The following HEATR5A variants were observed in gnomAD, a reference collection of about 807,000 sequenced individuals.
HEATR5A encodes HEAT repeat-containing protein 5A.
In HEATR5A, 178 loss-of-function variants were observed where a neutral mutation model predicts 218.8. The ratio of observed to expected loss-of-function variants is 0.81; its 90% CI spans 0.72 to 0.92. The LOEUF (loss-of-function observed/expected upper bound fraction) is 0.92, where lower values mean the gene tolerates loss of function less well. HEATR5A is among the 40% of genes least tolerant of loss of function. The probability of loss-of-function intolerance (pLI) is 0.00; values close to 1 mark genes in which losing one functional copy is unlikely to be tolerated. For missense variants in HEATR5A, 2,420 were observed against 2,418.9 expected (o/e 1.00, Z -0.01); for synonymous variants, 864 against 871.6 (o/e 0.99, Z 0.15).
At position 31,400,528 on chromosome 14, in the gene HEATR5A, A is replaced by G; in HGVS notation, c.127-16T>C. 6.8e-7 allele frequency: 1 copy of G among 1,460,002 alleles called. No homozygotes were observed. Among genetic ancestry groups the G allele is most frequent in the African/African-American group, 1.4e-5 (1 of 71,122 alleles). 90.4% of individuals were successfully genotyped at this position (1,460,002 alleles called of 1,614,324 possible). A position where few individuals can be genotyped will look rare whatever the true frequency, so the allele number is the denominator to read the frequency against. On this transcript the variant is annotated splice_polypyrimidine_tract_variant and intron_variant, in intron 2 of 35. Coordinates refer to ENST00000543095, the MANE Select transcript of HEATR5A (RefSeq NM_015473.4). Reference sequence around the variant, plus strand: ...TTACATCATTCTAGAAAGAAAGATAACACAAAGACAATTCAAAGTCAATAT... The same window carrying G: ...TTACATCATTCTAGAAAGAAAGATAGCACAAAGACAATTCAAAGTCAATAT...
intron 13 of HEATR5A, among the ~76,000 whole-genome samples, chr14:31,365,225 C>T (rs1901759482): frequency 6.6e-6 from 1 of 152,068 alleles, no homozygotes; most frequent in Admixed American, 6.6e-5. Flanking sequence ...GGTTTTCATC[C>T]TTAGCAATAC....
chr14:31,407,025 C>T (rs1027697227), intron 1 of HEATR5A, among the ~76,000 whole-genome samples: 1 of 145,648 alleles, frequency 6.9e-6, no homozygotes, highest in African/African-American at 2.5e-5. Context: ...CACAGTGGCT[C>T]ACGCCTATAA....
In HEATR5A at chr14:31,358,957, C is replaced by T. The variant is rs775185299; in HGVS notation, c.2172G>A (p.Gln724=). ...AAGGACTTAGTATCAAAAGATCATC[C>T]TGATGACAGAGGGGTGGAAGTAAAA... ...STFLLPPLCH[Q]DDLLILSPFL... The change falls in exon 15 of 36, where the codon CAG becomes CAA. Residue 724 remains glutamine (Q), a synonymous_variant. Coordinates refer to ENST00000543095, the MANE Select transcript of HEATR5A (RefSeq NM_015473.4). The T allele has an allele frequency of 1.3e-6, 2 of 1,590,918 alleles. No homozygotes were observed. The highest frequency in any genetic ancestry group is 1.7e-6 in the Non-Finnish European group (2 of 1,174,628).
Position 31,326,187 on chromosome 14 carries a change from T to C in HEATR5A, c.3523A>G (p.Lys1175Glu), listed in dbSNP as rs569846855. 65 of 1,613,262 alleles carry C rather than the reference T, an allele frequency of 4.0e-5. 1 individual carries two copies. In the East Asian group the frequency reaches 5.4e-4, roughly 13 times the overall value. Residue 1175 changes from lysine to glutamate, a missense_variant, in exon 23 of 36, where the codon AAA becomes GAA. Physicochemically the swap from Lys to Glu is moderately conservative, Grantham distance 56. Coordinates refer to ENST00000543095, the MANE Select transcript of HEATR5A (RefSeq NM_015473.4). The part of the protein sequence containing the change: ...EKLSLWLKLC[K>E]DVLAASADFT... ...CCAGCTGATGCAGCAAGTACATCTT[T>C]ACAAAGCTTTAACCACAGGGAGAGT...
chr14:31,393,982 T>C (rs2030553042), intron 6 of HEATR5A, 70 bp downstream of exon 6: 1 of 1,009,020 alleles, frequency 9.9e-7, no homozygotes. Flanking sequence ...AATAACACTA[T>C]ACATATTTGT....
chr14:31,327,403 C>T (rs574485268), intron 22 of HEATR5A, among the ~76,000 whole-genome samples: 64 of 149,412 alleles, frequency 4.3e-4, no homozygotes, highest in African/African-American at 1.5e-3. Flanking sequence ...AAGCAATTCT[C>T]CTGTCTCAGC....
chr14:31,372,051 A>G, intron 12 of HEATR5A, 142 bp from the exon 13 acceptor site: 1 of 515,590 alleles, frequency 1.9e-6, no homozygotes, highest in Non-Finnish European at 3.5e-6. Flanking sequence ...CTCTAGTATA[A>G]AAAGGTATAT....
At chr14:31,354,734 T>C (rs528981759) in intron 16 of HEATR5A, among the ~76,000 whole-genome samples, 82 of 152,292 alleles carry the variant, frequency 5.4e-4, no homozygotes, top group Middle Eastern at 3.4e-3. Context: ...ACATTATACA[T>C]TTTACATTAT....
At chr14:31,361,899 C>T (rs1379916339) in intron 14 of HEATR5A, among the ~76,000 whole-genome samples, 1 of 152,062 alleles carries the variant, frequency 6.6e-6, no homozygotes, top group Admixed American at 6.6e-5. Context: ...GTCCTAGAAA[C>T]TGACTCTTTG....
intron 22 of HEATR5A, among the ~76,000 whole-genome samples, chr14:31,329,024 G>A (rs1900370361): frequency 6.6e-6 from 1 of 152,094 alleles, no homozygotes; most frequent in South Asian, 2.1e-4. Context: ...ATGTGAAGGA[G>A]GCAAAGGGGG....
chr14:31,386,354 A>G, intron 9 of HEATR5A, 66 bp downstream of exon 9: 1 of 1,262,966 alleles, frequency 7.9e-7, no homozygotes, highest in Non-Finnish European at 1.1e-6. Flanking sequence ...CTATATGAAG[A>G]TTTCCTTCCT....
Position 31,301,772 on chromosome 14 carries a change from C to T in HEATR5A, c.5464+523G>A, listed in dbSNP as rs150369809. 1.3e-3 allele frequency among the ~76,000 whole-genome samples: 193 copies of T among 147,608 alleles called. 2 individuals carry two copies. The highest frequency in any genetic ancestry group is 4.5e-3 in the African/African-American group (177 of 39,734). On this transcript the variant is annotated intron_variant, in intron 33 of 35. Coordinates refer to ENST00000543095, the MANE Select transcript of HEATR5A (RefSeq NM_015473.4). ...CTTCCCAAAGTGCTGGGATTGTAGA[C>T]GTGAGCCACCGTGCCTGGCCCCAGA...
intron 16 of HEATR5A, among the ~76,000 whole-genome samples, chr14:31,351,503 A>G (rs548070919): frequency 2.6e-4 from 31 of 118,430 alleles, no homozygotes; most frequent in African/African-American, 9.0e-4. Flanking sequence ...AGAGAAAGAA[A>G]GAAAGAAAAA....
At chr14:31,316,968 A>G (rs1899931804) in intron 26 of HEATR5A, among the ~76,000 whole-genome samples, 1 of 152,102 alleles carries the variant, frequency 6.6e-6, no homozygotes, top group Non-Finnish European at 1.5e-5. Context: ...GATTATAGGA[A>G]TGAGCCACTG....
chr14:31,348,755 C>T lies in HEATR5A; in HGVS notation c.2709-848G>A, dbSNP rs539075802. Reference sequence around the variant, plus strand: ...AGATGAGGAAACCAAAATGAAAGCTCAAATAGCTCTCACAAAATAACCAAC... The same window carrying T: ...AGATGAGGAAACCAAAATGAAAGCTTAAATAGCTCTCACAAAATAACCAAC... On this transcript the variant is annotated intron_variant, in intron 18 of 35. Transcript: ENST00000543095. 5.3e-5 allele frequency among the ~76,000 whole-genome samples: 8 copies of T among 152,168 alleles called. No individual in the cohort carries two copies. The South Asian group carries it at 1.7e-3, about 32-fold the overall frequency.
At chr14:31,402,828 C>A in intron 2 of HEATR5A, 22 bp downstream of exon 2, 1 of 1,535,454 alleles carries the variant, frequency 6.5e-7, no homozygotes, top group Non-Finnish European at 8.7e-7. Flanking sequence ...AACAAAAAAA[C>A]AGATGTTGTC....
intron 33 of HEATR5A, among the ~76,000 whole-genome samples, chr14:31,300,447 A>T (rs939089870): frequency 3.9e-5 from 6 of 151,906 alleles, no homozygotes; most frequent in African/African-American, 1.5e-4. Context: ...TAATCCTTTA[A>T]GGCGTTGACT....
At chr14:31,334,971 A>G (rs556449007) in intron 22 of HEATR5A, among the ~76,000 whole-genome samples, 172 of 151,330 alleles carry the variant, frequency 1.1e-3, no homozygotes, top group Middle Eastern at 6.8e-3. Context: ...AAAAAGAAAA[A>G]GAAATCGCCA....
chr14:31,381,379 G>C (rs1273456454), intron 10 of HEATR5A, among the ~76,000 whole-genome samples: 1 of 151,878 alleles, frequency 6.6e-6, no homozygotes, highest in Non-Finnish European at 1.5e-5. Flanking sequence ...TTATTAAAAT[G>C]TTATAGTAAA....
Sources: allele counts gnomAD v4.1 joint callset (sites outside exome capture counted in the v4.1 genomes callset), GRCh38; gene constraint gnomAD v4.1.1; transcripts MANE v1.5; gene names NCBI Gene and HGNC (gene_info 2026-07-23, HGNC 2026-07-21).